The following KY variants were observed in gnomAD, a reference collection of about 807,000 sequenced individuals.
KY encodes kyphoscoliosis peptidase.
KY carries 43 observed loss-of-function variants against 76.1 expected under a neutral mutation model. The observed-to-expected ratio is 0.57, with a 90% CI of 0.44 to 0.73. KY has a LOEUF of 0.73. KY is among the 30% of genes least tolerant of loss of function. KY has a pLI of 0.00. For synonymous variants in KY, 277 were observed against 326.2 expected, an observed-to-expected ratio of 0.85 and a Z score of 1.63; for missense variants, 722 against 828.9, an observed-to-expected ratio of 0.87 and a Z score of 1.58.
intron 4 of KY, 73 bp from the exon 5 acceptor site, chr3:134,627,891 T>A (rs1963679971): frequency 5.0e-6 from 6 of 1,205,430 alleles, no homozygotes; most frequent in Non-Finnish European, 7.4e-6. Context: ...TGACTCACCT[T>A]CTGGTGGTCC....
chr3:134,649,074 G>A (rs1463681122), intron 1 of KY, among the ~76,000 whole-genome samples: 2 of 152,168 alleles, frequency 1.3e-5, no homozygotes, highest in African/African-American at 4.8e-5. Flanking sequence ...TGCCCACCAG[G>A]CATCAAAAGC....
chr3:134,617,757 G>A (rs531165797), intron 8 of KY, among the ~76,000 whole-genome samples: 140 of 152,322 alleles, frequency 9.2e-4, no homozygotes, highest in African/African-American at 3.3e-3. Context: ...GGGCTGTCCT[G>A]GAGCGGGGCC....
chr3:134,609,504 C>T (rs946623891), intron 9 of KY, among the ~76,000 whole-genome samples: 2 of 151,992 alleles, frequency 1.3e-5, no homozygotes, highest in South Asian at 2.1e-4. Flanking sequence ...ATTTAAGGTG[C>T]AAAAATCGAG....
chr3:134,610,134 G>T (rs538745465), intron 9 of KY, 61 bp downstream of exon 9: 72 of 1,538,546 alleles, frequency 4.7e-5, no homozygotes, highest in Non-Finnish European at 5.9e-5. Flanking sequence ...GCTTCATGCT[G>T]CCTGGCACAT....
intron 6 of KY, among the ~76,000 whole-genome samples, chr3:134,623,010 C>A (rs965610068): frequency 6.6e-6 from 1 of 152,244 alleles, no homozygotes; most frequent in Non-Finnish European, 1.5e-5. Flanking sequence ...GTTTCATTTT[C>A]TTCTACGTCC....
At chr3:134,605,053 A>G (rs1192615989) in intron 10 of KY, among the ~76,000 whole-genome samples, 1 of 150,548 alleles carries the variant, frequency 6.6e-6, no homozygotes, top group Admixed American at 6.6e-5. Flanking sequence ...TATCTTAGCC[A>G]TGTTTCAGGA....
chr3:134,640,164 C>T (rs543183267), intron 3 of KY, among the ~76,000 whole-genome samples: 1 of 151,612 alleles, frequency 6.6e-6, no homozygotes, highest in African/African-American at 2.4e-5. Flanking sequence ...AAATGTTGAA[C>T]CATTCCGAGC....
In KY at chr3:134,603,080, C is replaced by T. The variant is rs893676290; in HGVS notation, c.*499G>A. The T allele has an allele frequency of 6.5e-6, 1 of 152,710 alleles. No individual in the cohort carries two copies. The highest frequency in any genetic ancestry group is 1.5e-5 in the Non-Finnish European group (1 of 68,466). 9.5% of individuals were successfully genotyped at this position (152,710 alleles called of 1,614,324 possible). On this transcript the variant is annotated 3_prime_UTR_variant, in exon 11 of 11. Coordinates refer to ENST00000423778, the MANE Select transcript of KY (RefSeq NM_178554.6). ...TGGGAGGAGAAGATAGTCCAAGATT[C>T]CCTGGGGGCTCGGAGCTGTCGAGAG...
rs547677576 is a variant in KY, at chr3:134,602,486, C to T, written c.*1093G>A. Among the ~76,000 whole-genome samples the T allele has an allele frequency of 7.2e-5, 11 of 152,290 alleles. No homozygotes were observed. Among genetic ancestry groups the T allele is most frequent in the African/African-American group, 2.4e-4 (10 of 41,552 alleles). ...CCGAGACAGGCACAAAAGCTGCTCTCGTGCAGCTGGAATTCTTCCCAGCCC... is the reference window on the plus strand; with the variant it reads ...CCGAGACAGGCACAAAAGCTGCTCTTGTGCAGCTGGAATTCTTCCCAGCCC... On this transcript the variant is annotated 3_prime_UTR_variant, in exon 11 of 11. Transcript: ENST00000423778.
chr3:134,629,391 A>G (rs1332652530), intron 4 of KY: 1 of 526,236 alleles, frequency 1.9e-6, no homozygotes, highest in Non-Finnish European at 3.4e-6. Flanking sequence ...CTTCAGCTAA[A>G]TGTCTGTGTT....
At chr3:134,647,104 A>G (rs1432997318) in intron 2 of KY, among the ~76,000 whole-genome samples, 1 of 152,212 alleles carries the variant, frequency 6.6e-6, no homozygotes, top group African/African-American at 2.4e-5. Flanking sequence ...TTTTCAAAAG[A>G]TAGATGGCTG....
chr3:134,645,488 C>T (rs973781108), intron 2 of KY, among the ~76,000 whole-genome samples: 1 of 152,218 alleles, frequency 6.6e-6, no homozygotes, highest in Non-Finnish European at 1.5e-5. Flanking sequence ...GGCTGGGTGC[C>T]TTGGGCACCA....
chr3:134,650,761 G>A (rs1218265240), intron 1 of KY, 64 bp downstream of exon 1: 47 of 1,429,794 alleles, frequency 3.3e-5, no homozygotes, highest in Non-Finnish European at 4.2e-5. Flanking sequence ...CCGGCGGGCA[G>A]GCCCTTGTGG....
chr3:134,640,270 C>T (rs529712389), intron 3 of KY, among the ~76,000 whole-genome samples: 1 of 152,272 alleles, frequency 6.6e-6, no homozygotes, highest in South Asian at 2.1e-4. Context: ...TGGTCCCTGT[C>T]CTGTATGGAA....
rs4245904 is a variant in KY, at chr3:134,602,966, G to A, written c.*613C>T. 0.63 allele frequency among the ~76,000 whole-genome samples: 95,932 copies of A among 152,100 alleles called. 30,753 individuals carry two copies. Among genetic ancestry groups the A allele is most frequent in the East Asian group, 0.87 (4,487 of 5,162 alleles). ...GCTTCCAGCCAGTTGTGGGTCAGCT[G>A]GCTTCCTCACCACACCCTTTTTCTT... On this transcript the variant is annotated 3_prime_UTR_variant, in exon 11 of 11. Transcript: ENST00000423778.
At chr3:134,646,742 G>A (rs375433686) in intron 2 of KY, among the ~76,000 whole-genome samples, 2 of 152,124 alleles carry the variant, frequency 1.3e-5, no homozygotes, top group East Asian at 1.9e-4. Context: ...ACATAGCTGC[G>A]GGCTGATGGA....
At chr3:134,619,491 C>T (rs1397410653) in intron 7 of KY, among the ~76,000 whole-genome samples, 2 of 152,234 alleles carry the variant, frequency 1.3e-5, no homozygotes, top group Admixed American at 6.5e-5. Flanking sequence ...CTCCCCAAGC[C>T]TCTGAGGAGG....
intron 3 of KY, among the ~76,000 whole-genome samples, chr3:134,640,638 C>G (rs559172245): frequency 6.6e-6 from 1 of 152,168 alleles, no homozygotes; most frequent in South Asian, 2.1e-4. Flanking sequence ...CATGGAGTAA[C>G]GATTCCCTGG....
intron 6 of KY, among the ~76,000 whole-genome samples, chr3:134,623,247 G>A (rs1297808896): frequency 6.6e-6 from 1 of 152,152 alleles, no homozygotes. Context: ...TCCTGGCACT[G>A]TTCTCTGAGT....
Sources: allele counts gnomAD v4.1 joint callset (sites outside exome capture counted in the v4.1 genomes callset), GRCh38; gene constraint gnomAD v4.1.1; transcripts MANE v1.5; gene names NCBI Gene and HGNC (gene_info 2026-07-23, HGNC 2026-07-21).